GULP1: variants seen among roughly 807,000 people sequenced by gnomAD.
The protein encoded by GULP1 is GULP PTB domain containing engulfment adaptor 1, also known as PTB domain-containing engulfment adapter protein 1.
GULP1 carries 19 observed loss-of-function variants against 40.9 expected under a neutral mutation model. That is an observed-to-expected ratio of 0.46 (90% CI 0.32 to 0.68). GULP1 has a LOEUF of 0.68. Ranked by LOEUF, GULP1 falls within the 30% of genes least tolerant of loss-of-function variation. The probability of loss-of-function intolerance (pLI) is 0.03; values close to 1 mark genes in which losing one functional copy is unlikely to be tolerated. For synonymous variants in GULP1, 119 were observed against 117.6 expected (o/e 1.01, Z -0.08); for missense variants, 312 against 362.2 (o/e 0.86, Z 1.12).
intron 7 of GULP1, among the ~76,000 whole-genome samples, chr2:188,549,846 C>G (rs1011797379): frequency 1.3e-5 from 2 of 151,694 alleles, no homozygotes; most frequent in African/African-American, 4.8e-5. Context: ...TCTCAAAAGC[C>G]TGTGTACTCT....
At chr2:188,411,141 C>T (rs2152712924) in intron 2 of GULP1, among the ~76,000 whole-genome samples, 1 of 152,250 alleles carries the variant, frequency 6.6e-6, no homozygotes, top group Non-Finnish European at 1.5e-5. Context: ...GGCTGTGACT[C>T]TTTACAGCAC....
At chr2:188,413,593 A>G (rs1431286144) in intron 2 of GULP1, among the ~76,000 whole-genome samples, 5 of 152,164 alleles carry the variant, frequency 3.3e-5, no homozygotes. Flanking sequence ...AGTATTTTTT[A>G]AAATTCTCAT....
At chr2:188,571,250 C>T (rs80257907) in intron 9 of GULP1, among the ~76,000 whole-genome samples, 2,596 of 152,206 alleles carry the variant, frequency 0.017, 77 homozygotes, top group African/African-American at 0.058. Flanking sequence ...TGCTTCAATA[C>T]GTAGGATAAA....
At chr2:188,439,406 G>A (rs1366468204) in intron 2 of GULP1, among the ~76,000 whole-genome samples, 2 of 152,026 alleles carry the variant, frequency 1.3e-5, no homozygotes, top group African/African-American at 2.4e-5. Context: ...AGACAAAGAC[G>A]TATATATGTA....
At chr2:188,356,163 A>T (rs955330862) in intron 1 of GULP1, among the ~76,000 whole-genome samples, 4 of 152,258 alleles carry the variant, frequency 2.6e-5, no homozygotes, top group Non-Finnish European at 4.4e-5. Flanking sequence ...CTTTTATTCA[A>T]CATGGTACTG....
chr2:188,378,716 A>G (rs1295321706), intron 1 of GULP1, among the ~76,000 whole-genome samples: 1 of 152,158 alleles, frequency 6.6e-6, no homozygotes, highest in Admixed American at 6.6e-5. Context: ...TAACAGAGCA[A>G]GAACTCACTC....
chr2:188,443,206 G>A (rs868766963), intron 2 of GULP1, among the ~76,000 whole-genome samples: 2 of 152,018 alleles, frequency 1.3e-5, no homozygotes, highest in African/African-American at 2.4e-5. Flanking sequence ...GGGGGTTGGC[G>A]GGGGGTTCAC....
At chr2:188,515,535 A>G (rs577691152) in intron 4 of GULP1, among the ~76,000 whole-genome samples, 1 of 152,070 alleles carries the variant, frequency 6.6e-6, no homozygotes, top group South Asian at 2.1e-4. Context: ...TGTATGTTTC[A>G]TTTCTTCCTT....
At chr2:188,472,466 A>C (rs527556386) in intron 2 of GULP1, among the ~76,000 whole-genome samples, 60 of 151,860 alleles carry the variant, frequency 4.0e-4, no homozygotes, top group Non-Finnish European at 7.1e-4. Flanking sequence ...CATTCTTTTT[A>C]ATTCTTTTTT....
chr2:188,324,753 G>A (rs949575012), intron 1 of GULP1, among the ~76,000 whole-genome samples: 1 of 151,880 alleles, frequency 6.6e-6, no homozygotes, highest in Non-Finnish European at 1.5e-5. Flanking sequence ...AAAGACATGA[G>A]TTTTCAGATT....
chr2:188,312,019 T>C (rs2038232646), intron 1 of GULP1, among the ~76,000 whole-genome samples: 1 of 151,870 alleles, frequency 6.6e-6, no homozygotes, highest in Admixed American at 6.6e-5. Flanking sequence ...AGCATTAATA[T>C]AGACTTCTAA....
chr2:188,482,672 T>G (rs2061529872), intron 3 of GULP1, among the ~76,000 whole-genome samples: 1 of 151,350 alleles, frequency 6.6e-6, no homozygotes, highest in Admixed American at 6.6e-5. Context: ...AGTTCAAAAA[T>G]TAAATTGAAA....
intron 2 of GULP1, among the ~76,000 whole-genome samples, chr2:188,397,831 C>A (rs2051504244): frequency 6.6e-6 from 1 of 152,180 alleles, no homozygotes; most frequent in South Asian, 2.1e-4. Flanking sequence ...TCCTCATGAA[C>A]AATCAATCCA....
At chr2:188,306,160 A>G (rs1429775228) in intron 1 of GULP1, among the ~76,000 whole-genome samples, 1 of 152,204 alleles carries the variant, frequency 6.6e-6, no homozygotes, top group Non-Finnish European at 1.5e-5. Flanking sequence ...ATATAAAATT[A>G]CTAATATCAA....
intron 4 of GULP1, among the ~76,000 whole-genome samples, chr2:188,500,671 G>C (rs2063345129): frequency 6.6e-6 from 1 of 151,910 alleles, no homozygotes; most frequent in Non-Finnish European, 1.5e-5. Context: ...TGTTTGCGTA[G>C]TACAGACATC....
intron 2 of GULP1, among the ~76,000 whole-genome samples, chr2:188,465,450 G>A (rs1347159912): frequency 6.6e-6 from 1 of 151,950 alleles, no homozygotes; most frequent in African/African-American, 2.4e-5. Context: ...CTCCTTTGCA[G>A]CCACAAACTA....
intron 9 of GULP1, among the ~76,000 whole-genome samples, chr2:188,580,344 G>C (rs1701004502): frequency 6.6e-6 from 1 of 152,066 alleles, no homozygotes; most frequent in South Asian, 2.1e-4. Context: ...ACGAGGTCAG[G>C]AGATCGAGAC....
At chr2:188,372,936 T>G (rs889424328) in intron 1 of GULP1, among the ~76,000 whole-genome samples, 1 of 151,998 alleles carries the variant, frequency 6.6e-6, no homozygotes, top group Admixed American at 6.6e-5. Flanking sequence ...AAAAATTCCC[T>G]TCTGCGTTTT....
rs550100845 is a variant in GULP1 at position 188,426,377 on chromosome 2, G to C, written c.-45+42488G>C. ...CATAGAGCAGGCTTCAGAGAGAATA[G>C]ATGGTAAGCCTTTCTTATCGGGACC... is the stretch of plus-strand genomic sequence containing the variant. On this transcript the variant is annotated intron_variant, in intron 2 of 11. Coordinates refer to ENST00000409830, the MANE Select transcript of GULP1 (RefSeq NM_016315.4). Among the ~76,000 whole-genome samples the C allele has an allele frequency of 1.6e-3, 250 of 152,244 alleles. 8 individuals carry two copies. In the South Asian group the frequency reaches 0.048, roughly 29 times the overall value.
Sources: gnomAD v4.1 joint callset for allele counts (sites outside exome capture counted in the v4.1 genomes callset) on GRCh38, gnomAD v4.1.1 for gene constraint, MANE v1.5 for transcripts, NCBI Gene and HGNC (gene_info 2026-07-23, HGNC 2026-07-21) for gene names.